LRRC4C: variants seen among roughly 807,000 people sequenced by gnomAD.
LRRC4C encodes leucine-rich repeat-containing protein 4C.
Under a neutral mutation model 33.6 loss-of-function variants are expected in LRRC4C, and 5 were observed. The observed-to-expected ratio is 0.15, with a 90% confidence interval of 0.08 to 0.31. The LOEUF is 0.31. Ranked by LOEUF, LRRC4C falls within the 10% of genes least tolerant of loss-of-function variation. The probability of loss-of-function intolerance (pLI) is 1.00; values close to 1 mark genes in which losing one functional copy is unlikely to be tolerated. For missense variants in LRRC4C, 560 were observed against 796.7 expected, an observed-to-expected ratio of 0.70 and a Z score of 3.58; for synonymous variants, 329 against 302.0, an observed-to-expected ratio of 1.09 and a Z score of -0.93.
intron 2 of LRRC4C, among the ~76,000 whole-genome samples, chr11:40,661,662 A>T (rs1228462919): frequency 6.6e-6 from 1 of 152,204 alleles, no homozygotes; most frequent in African/African-American, 2.4e-5. Flanking sequence ...AAGATAACCT[A>T]TAGAAAGTAG....
In LRRC4C at chr11:41,371,163, G is replaced by A. The variant is rs1457792358; in HGVS notation, c.-496+88268C>T. Among the ~76,000 whole-genome samples, 5 of 52,686 alleles carry A rather than the reference G, an allele frequency of 9.5e-5. No homozygotes were observed. The South Asian group carries it at 1.9e-3, about 20-fold the overall frequency. 34.6% of individuals were successfully genotyped at this position (52,686 alleles called of 152,430 possible). ...CCACCATCATCTTATTTCAAGCCCTGAAATTGGGGTAGGGATCATATCATA... is the reference window on the plus strand; with the variant it reads ...CCACCATCATCTTATTTCAAGCCCTAAAATTGGGGTAGGGATCATATCATA... On this transcript the variant is annotated intron_variant, in intron 1 of 6. Coordinates refer to ENST00000528697, the MANE Select transcript of LRRC4C (RefSeq NM_001258419.2).
At chr11:40,655,104 A>G (rs1463520381) in intron 2 of LRRC4C, among the ~76,000 whole-genome samples, 2 of 152,194 alleles carry the variant, frequency 1.3e-5, no homozygotes, top group Non-Finnish European at 2.9e-5. Context: ...TCTTCATAAC[A>G]TTGTGAGAAC....
chr11:40,929,590 AG>A (rs1458627380), intron 2 of LRRC4C, among the ~76,000 whole-genome samples: 3 of 152,020 alleles, frequency 2.0e-5, no homozygotes, highest in Admixed American at 6.6e-5. Flanking sequence ...ACCACCTTCT[AG>A]TTATTCAATT....
chr11:41,077,654 G>A (rs1301595662), intron 1 of LRRC4C, among the ~76,000 whole-genome samples: 1 of 152,174 alleles, frequency 6.6e-6, no homozygotes, highest in African/African-American at 2.4e-5. Flanking sequence ...TATGAAGGGA[G>A]GGGCTGCTGT....
chr11:40,268,522 G>A (rs1234440452), intron 4 of LRRC4C, among the ~76,000 whole-genome samples: 1 of 151,888 alleles, frequency 6.6e-6, no homozygotes, highest in Non-Finnish European at 1.5e-5. Context: ...TACTGTCAAT[G>A]GTACTGTATA....
intron 1 of LRRC4C, among the ~76,000 whole-genome samples, chr11:41,265,472 G>A (rs1949119448): frequency 6.6e-6 from 1 of 152,066 alleles, no homozygotes; most frequent in Non-Finnish European, 1.5e-5. Context: ...TTCAAAACAG[G>A]AGAAAACAGT....
chr11:40,119,416 T>C (rs1334557782), intron 6 of LRRC4C, among the ~76,000 whole-genome samples: 4 of 152,126 alleles, frequency 2.6e-5, no homozygotes, highest in Admixed American at 2.6e-4. Flanking sequence ...TTGGAGCTGT[T>C]GCAGCTCTAG....
intron 1 of LRRC4C, among the ~76,000 whole-genome samples, chr11:40,944,938 A>G (rs147417500): frequency 6.6e-6 from 1 of 151,444 alleles, no homozygotes; most frequent in East Asian, 1.9e-4. Context: ...TCATGCCACT[A>G]TGCAAGTTGA....
intron 1 of LRRC4C, among the ~76,000 whole-genome samples, chr11:41,149,368 G>A (rs569842033): frequency 1.3e-5 from 2 of 151,806 alleles, no homozygotes; most frequent in South Asian, 2.1e-4. Flanking sequence ...TTAGCCGGGC[G>A]CAGTGGCGGG....
chr11:40,734,879 G>T (rs1351643437), intron 2 of LRRC4C, among the ~76,000 whole-genome samples: 1 of 152,108 alleles, frequency 6.6e-6, no homozygotes, highest in East Asian at 1.9e-4. Context: ...ATTGGCAGGT[G>T]AGTCAATGGA....
At chr11:40,510,138 C>T (rs1198769689) in intron 3 of LRRC4C, among the ~76,000 whole-genome samples, 3 of 151,014 alleles carry the variant, frequency 2.0e-5, no homozygotes, top group Non-Finnish European at 4.4e-5. Context: ...AAGTGTCTGA[C>T]ATAGAACCCT....
intron 3 of LRRC4C, among the ~76,000 whole-genome samples, chr11:40,597,252 C>T (rs893057755): frequency 1.3e-5 from 2 of 152,064 alleles, no homozygotes; most frequent in Non-Finnish European, 2.9e-5. Context: ...CAATTATATG[C>T]ACCATATTAG....
intron 5 of LRRC4C, among the ~76,000 whole-genome samples, chr11:40,156,918 A>G (rs1858746300): frequency 6.6e-6 from 1 of 152,288 alleles, no homozygotes; most frequent in East Asian, 1.9e-4. Context: ...AAACAATTCT[A>G]AAATTCATAT....
Position 40,408,064 on chromosome 11 carries a change from T to A in LRRC4C, c.-269-88343A>T, listed in dbSNP as rs376225675. Among the ~76,000 whole-genome samples the A allele has an allele frequency of 2.6e-4, 39 of 152,146 alleles. No homozygotes were observed. In the South Asian group the frequency reaches 7.9e-3, roughly 31 times the overall value. ...TTCTCAAGATCTCATTTCTTTGTAT[T>A]AAAACCCTACAGTATTATACCACCA... On this transcript the variant is annotated intron_variant, in intron 3 of 6. Coordinates refer to ENST00000528697, the MANE Select transcript of LRRC4C (RefSeq NM_001258419.2).
chr11:41,304,927 A>C (rs1313929763), intron 1 of LRRC4C, among the ~76,000 whole-genome samples: 1 of 110,128 alleles, frequency 9.1e-6, no homozygotes, highest in African/African-American at 3.3e-5. Flanking sequence ...GGGGGGGGTC[A>C]GCCCACCTGC....
intron 5 of LRRC4C, among the ~76,000 whole-genome samples, chr11:40,150,415 CA>C (rs1329524929): frequency 6.6e-6 from 1 of 152,302 alleles, no homozygotes; most frequent in African/African-American, 2.4e-5. Context: ...ATGAAAAACT[CA>C]TAGAGAATTT....
chr11:40,837,886 C>CTATATA (rs67611635), intron 2 of LRRC4C, among the ~76,000 whole-genome samples: 3 of 148,840 alleles, frequency 2.0e-5, no homozygotes, highest in African/African-American at 7.4e-5. Context: ...GATGCTTAAA[C>CTATATA]TATATATATA....
intron 1 of LRRC4C, among the ~76,000 whole-genome samples, chr11:41,158,097 G>A (rs1404733860): frequency 2.0e-5 from 3 of 151,776 alleles, no homozygotes; most frequent in African/African-American, 7.3e-5. Flanking sequence ...CTGTTCTCAC[G>A]AGTTAACACT....
chr11:40,764,101 CT>C (rs1177153621), intron 2 of LRRC4C, among the ~76,000 whole-genome samples: 4 of 152,126 alleles, frequency 2.6e-5, no homozygotes, highest in Non-Finnish European at 4.4e-5. Context: ...AGGACTTTGT[CT>C]TGCAACTTGA....
Sources: gnomAD v4.1 joint callset for allele counts (sites outside exome capture counted in the v4.1 genomes callset) on GRCh38, gnomAD v4.1.1 for gene constraint, MANE v1.5 for transcripts, NCBI Gene and HGNC (gene_info 2026-07-23, HGNC 2026-07-21) for gene names.